Variants in TRA2B observed in about 807,000 individuals in gnomAD.
The protein encoded by TRA2B is transformer 2 beta homolog.
A neutral mutation model predicts 41.7 loss-of-function variants in TRA2B; 14 were observed. The observed-to-expected ratio is 0.34, with a 90% CI of 0.22 to 0.53. The LOEUF is 0.53. Among genes scored for constraint, TRA2B ranks in the 20% least tolerant of loss-of-function variants. The probability of loss-of-function intolerance (pLI) is 0.95; values close to 1 mark genes in which losing one functional copy is unlikely to be tolerated. For missense variants in TRA2B, 167 were observed against 396.8 expected (o/e 0.42, Z 4.92); for synonymous variants, 130 against 128.8 (o/e 1.01, Z -0.06).
At chr3:185,925,764 A>G in intron 2 of TRA2B, 138 bp from the exon 3 acceptor site, 1 of 857,400 alleles carries the variant, frequency 1.2e-6, no homozygotes, top group East Asian at 3.2e-5. Context: ...TAGGATCAAT[A>G]CTTTTCTTCT....
chr3:185,921,386 G>A (rs1359670829), intron 5 of TRA2B, among the ~76,000 whole-genome samples, 199 bp from the exon 6 acceptor site: 2 of 152,022 alleles, frequency 1.3e-5, no homozygotes, highest in Non-Finnish European at 1.5e-5. Context: ...TTTGGTTAAG[G>A]AGGCACACAG....
intron 1 of TRA2B, chr3:185,936,836 A>C (rs1276669723): frequency 2.7e-5 from 27 of 985,310 alleles, no homozygotes; most frequent in Non-Finnish European, 3.0e-5. Flanking sequence ...AGAGCCCCAC[A>C]GACCAGCTAC....
At chr3:185,936,244 G>A in intron 1 of TRA2B, 7 of 985,320 alleles carry the variant, frequency 7.1e-6, no homozygotes, top group Middle Eastern at 5.2e-4. Flanking sequence ...TTACTTTGCA[G>A]TCCAAACACC....
At chr3:185,933,839 C>T (rs900489373) in intron 1 of TRA2B, among the ~76,000 whole-genome samples, 1 of 152,040 alleles carries the variant, frequency 6.6e-6, no homozygotes, top group Non-Finnish European at 1.5e-5. Context: ...CAGTACTCCC[C>T]AACAAAAGCA....
intron 3 of TRA2B, 119 bp downstream of exon 3, chr3:185,925,345 G>A: frequency 8.5e-7 from 1 of 1,175,082 alleles, no homozygotes; most frequent in Non-Finnish European, 1.2e-6. Context: ...CACTAAAAAA[G>A]CCTCTGAAGA....
intron 1 of TRA2B, chr3:185,935,241 T>G (rs1397114629): frequency 9.1e-6 from 9 of 985,260 alleles, no homozygotes; most frequent in Non-Finnish European, 9.6e-6. Flanking sequence ...AATCCGGAGA[T>G]GAAAACGAGA....
Position 185,922,061 on chromosome 3 carries a change from T to A in TRA2B, c.588A>T (p.Thr196=), listed in dbSNP as rs771507121. ...GRRIRVDFSI[T]KRPHTPTPGI... ...CTGGTGTTGGCGTATGTGGTCTTTT[T>A]GTTATAGAGAAATCAACTCTGATCC... Residue 196 remains threonine (T), a synonymous_variant, in exon 5 of 9, where the codon ACA becomes ACT. Transcript: ENST00000453386. The A allele has an allele frequency of 1.2e-6, 2 of 1,614,038 alleles. No individual in the cohort carries two copies.
intron 1 of TRA2B, chr3:185,934,325 T>C (rs778893989): frequency 2.0e-5 from 20 of 985,190 alleles, no homozygotes; most frequent in Non-Finnish European, 2.4e-5. Context: ...CGGATTTTAT[T>C]GTAGAGAAAG....
At chr3:185,934,879 G>A (rs1247777373) in intron 1 of TRA2B, 2 of 985,206 alleles carry the variant, frequency 2.0e-6, no homozygotes, top group Non-Finnish European at 2.4e-6. Flanking sequence ...AAAAATAATA[G>A]CCAGTATTCT....
At chr3:185,922,457 A>G (rs1743777817) in intron 4 of TRA2B, 1 of 176,458 alleles carries the variant, frequency 5.7e-6, no homozygotes, top group South Asian at 2.0e-4. Flanking sequence ...TAAGCTAAAA[A>G]TTTAAATAAC....
rs1484331435 is a variant in TRA2B at position 185,915,748 on chromosome 3, G to A, written c.*1967C>T. On this transcript the variant is annotated 3_prime_UTR_variant, in exon 9 of 9. Coordinates refer to ENST00000453386, the MANE Select transcript of TRA2B (RefSeq NM_004593.3). ...TACACAACTAAAGGGCTAAAACTCA[G>A]GCTTTAGGATAGAAACCGAGGGTTA... Among the ~76,000 whole-genome samples, 4 of 152,168 alleles carry A rather than the reference G, an allele frequency of 2.6e-5. No individual in the cohort carries two copies. Among genetic ancestry groups the A allele is most frequent in the Admixed American group, 6.5e-5 (1 of 15,282 alleles).
At position 185,921,892 on chromosome 3, in the gene TRA2B, A is replaced by G. The variant is rs1038166331; in HGVS notation, c.638+119T>C. On this transcript the variant is annotated intron_variant, in intron 5 of 8. Transcript: ENST00000453386. Reference sequence around the variant, plus strand: ...AAAAATGCCCTAATGAGGAGCATTTAATCAATCAACAGTCAAGTTTATGGC... The same window carrying G: ...AAAAATGCCCTAATGAGGAGCATTTGATCAATCAACAGTCAAGTTTATGGC... The G allele has an allele frequency of 4.2e-5, 26 of 623,034 alleles. 1 individual carries two copies. Among genetic ancestry groups the G allele is most frequent in the Non-Finnish European group, 5.8e-5 (21 of 363,820 alleles). 38.6% of individuals were successfully genotyped at this position (623,034 alleles called of 1,614,324 possible). A position where few individuals can be genotyped will look rare whatever the true frequency, so the allele number is the denominator to read the frequency against.
chr3:185,917,711 T>C lies in TRA2B; in HGVS notation c.*4A>G, dbSNP rs769428793. The stretch of plus-strand genomic sequence containing the variant: ...TAGGGCAGGTTTCAGAAAGTCTTCA[T>C]GCTTTAATAGCGACCTGGGAAGAAA... On this transcript the variant is annotated 3_prime_UTR_variant, in exon 9 of 9. Transcript: ENST00000453386. The C allele has an allele frequency of 1.2e-6, 2 of 1,612,856 alleles. No individual in the cohort carries two copies. Among genetic ancestry groups the C allele is most frequent in the South Asian group, 2.2e-5 (2 of 91,016 alleles).
Position 185,916,898 on chromosome 3 carries a change from C to T in TRA2B, c.*817G>A, listed in dbSNP as rs1743520764. 6.6e-6 allele frequency: 1 copy of T among 152,608 alleles called. No homozygotes were observed. Among genetic ancestry groups the T allele is most frequent in the African/African-American group, 2.4e-5 (1 of 41,450 alleles). 9.5% of individuals were successfully genotyped at this position (152,608 alleles called of 1,614,324 possible). On this transcript the variant is annotated 3_prime_UTR_variant, in exon 9 of 9. Transcript: ENST00000453386. The stretch of plus-strand genomic sequence containing the variant: ...CATGACAGGTATAGTGTTCCCTTAT[C>T]ATGTACTTTGAAGCACCCGGTTTTT...
chr3:185,919,371 C>A, intron 7 of TRA2B, 66 bp downstream of exon 7: 1 of 1,365,572 alleles, frequency 7.3e-7, no homozygotes, highest in Non-Finnish European at 1.0e-6. Context: ...CAAAACATTA[C>A]TAGGCAAACA....
chr3:185,925,768 T>G, intron 2 of TRA2B, 142 bp from the exon 3 acceptor site: 2 of 837,770 alleles, frequency 2.4e-6, no homozygotes, highest in South Asian at 3.7e-5. Context: ...ATCAATACTT[T>G]TCTTCTCTAA....
intron 5 of TRA2B, 120 bp downstream of exon 5, chr3:185,921,891 T>C: frequency 1.6e-6 from 1 of 620,054 alleles, no homozygotes; most frequent in Admixed American, 3.2e-5. Context: ...GAGGAGCATT[T>C]AATCAATCAA....
chr3:185,926,665 T>C lies in TRA2B; in HGVS notation c.106A>G (p.Arg36Gly). 1 of 1,614,196 alleles carries C rather than the reference T, an allele frequency of 6.2e-7. No homozygotes were observed. The highest frequency in any genetic ancestry group is 8.5e-7 in the Non-Finnish European group (1 of 1,180,028). Residue 36 changes from arginine (R) to glycine (G), a missense_variant, in exon 2 of 9, where the codon AGG becomes GGG. Arg to Gly is a moderately radical substitution (Grantham distance 125, BLOSUM62 -2). This residue lies in a region of TRA2B where 94 missense variants were observed against 133.4 expected (regional missense o/e 0.70). Transcript: ENST00000453386. ...SGKSARHTPARSRSKEDSRRS... is the reference protein window; with the variant it reads ...SGKSARHTPAGSRSKEDSRRS... ...CTGGAATCTTCCTTGGAGCGAGACC[T>C]TGCAGGGGTATGCCTTGCAGATTTC... is the stretch of plus-strand genomic sequence containing the variant.
chr3:185,934,990 A>G, intron 1 of TRA2B: 1 of 985,464 alleles, frequency 1.0e-6, no homozygotes, highest in Middle Eastern at 5.2e-4. Flanking sequence ...TCACTCGTAG[A>G]AACTCATTAC....
Sources: allele counts gnomAD v4.1 joint callset (sites outside exome capture counted in the v4.1 genomes callset), GRCh38; gene constraint gnomAD v4.1.1; regional missense constraint gnomAD v4.1.1; transcripts MANE v1.5; gene names NCBI Gene and HGNC (gene_info 2026-07-23, HGNC 2026-07-21).